Variants in SLC47A1 observed in about 807,000 individuals in gnomAD.
The protein encoded by SLC47A1 is solute carrier family 47 member 1.
A neutral mutation model predicts 65.8 loss-of-function variants in SLC47A1; 58 were observed. The ratio of observed to expected loss-of-function variants is 0.88; its 90% CI spans 0.71 to 1.10. The LOEUF (loss-of-function observed/expected upper bound fraction) is 1.10. Ranked by LOEUF, SLC47A1 falls within the 50% of genes least tolerant of loss-of-function variation. The pLI, the probability that SLC47A1 is intolerant of heterozygous loss-of-function variation, is 0.00. For missense variants in SLC47A1, 706 were observed against 719.2 expected, an observed-to-expected ratio of 0.98 and a Z score of 0.21; for synonymous variants, 285 against 295.0, an observed-to-expected ratio of 0.97 and a Z score of 0.35.
rs28404199 is a variant in SLC47A1, at chr17:19,542,851, G to A, written c.237+357G>A. ...CTGTTACCCAGGCTGGAGTGCAATGGTGCGATCTCGGCTCACTGCAACCTC... is the reference window on the plus strand; with the variant it reads ...CTGTTACCCAGGCTGGAGTGCAATGATGCGATCTCGGCTCACTGCAACCTC... On this transcript the variant is annotated intron_variant, in intron 2 of 16. Coordinates refer to ENST00000270570, the MANE Select transcript of SLC47A1 (RefSeq NM_018242.3). 4.8e-4 allele frequency among the ~76,000 whole-genome samples: 73 copies of A among 150,802 alleles called. 3 individuals are homozygous for A. The highest frequency in any genetic ancestry group is 1.5e-3 in the African/African-American group (63 of 41,026).
rs1228341626 is a variant in SLC47A1 at position 19,577,633 on chromosome 17, G to GT, written c.*81dup. ...ACAGGCCCACCAGTGACAATTTACTGTGAGTTAATGTCATTCAGGTGTGCC... is the reference window on the plus strand; with the variant it reads ...ACAGGCCCACCAGTGACAATTTACTGTTGAGTTAATGTCATTCAGGTGTGCC... On this transcript the variant is annotated 3_prime_UTR_variant, in exon 17 of 17. Coordinates refer to ENST00000270570, the MANE Select transcript of SLC47A1 (RefSeq NM_018242.3). 3 of 1,577,282 alleles carry GT rather than the reference G, an allele frequency of 1.9e-6. No homozygotes were observed. The highest frequency in any genetic ancestry group is 1.4e-5 in the African/African-American group (1 of 73,816).
At chr17:19,546,340 G>A (rs953918310) in intron 2 of SLC47A1, 95 bp from the exon 3 acceptor site, 6 of 1,238,314 alleles carry the variant, frequency 4.8e-6, no homozygotes, top group Non-Finnish European at 5.8e-6. Context: ...AATGCTGAAG[G>A]AGGAGCTTTG....
intron 7 of SLC47A1, 76 bp downstream of exon 7, chr17:19,555,385 C>T: frequency 1.3e-6 from 2 of 1,488,918 alleles, no homozygotes; most frequent in East Asian, 2.3e-5. Flanking sequence ...GAAGAGTGGG[C>T]TCTTCAGCTG....
chr17:19,555,570 C>A, intron 7 of SLC47A1, 23 bp from the exon 8 acceptor site: 1 of 1,611,008 alleles, frequency 6.2e-7, no homozygotes, highest in Admixed American at 1.7e-5. Flanking sequence ...GTACCTCCCT[C>A]TCATTGGGAC....
At chr17:19,572,978 G>T in intron 16 of SLC47A1, 117 bp downstream of exon 16, 2 of 826,962 alleles carry the variant, frequency 2.4e-6, no homozygotes, top group Non-Finnish European at 2.0e-6. Flanking sequence ...GGGCAATAAT[G>T]TTTCAGAAAC....
At chr17:19,560,721 A>G (rs1447611474) in intron 12 of SLC47A1, among the ~76,000 whole-genome samples, 1 of 151,756 alleles carries the variant, frequency 6.6e-6, no homozygotes, top group Admixed American at 6.6e-5. Context: ...TCTACTAAAA[A>G]TACAAAAATT....
At chr17:19,544,165 T>C (rs1193637282) in intron 2 of SLC47A1, among the ~76,000 whole-genome samples, 1 of 152,104 alleles carries the variant, frequency 6.6e-6, no homozygotes, top group East Asian at 1.9e-4. Context: ...AGGTGGGTCT[T>C]GAACTCCTGA....
chr17:19,571,653 G>T, intron 15 of SLC47A1, 81 bp downstream of exon 15: 2 of 1,074,740 alleles, frequency 1.9e-6, no homozygotes, highest in South Asian at 1.4e-5. Context: ...TTTTTCTTTT[G>T]GAAAGTTCTT....
At chr17:19,570,261 G>C (rs2084389407) in intron 14 of SLC47A1, among the ~76,000 whole-genome samples, 1 of 152,232 alleles carries the variant, frequency 6.6e-6, no homozygotes, top group African/African-American at 2.4e-5. Flanking sequence ...CTGGACAGCT[G>C]TGGAAATAAA....
intron 14 of SLC47A1, 106 bp downstream of exon 14, chr17:19,567,334 C>A: frequency 6.7e-7 from 1 of 1,495,070 alleles, no homozygotes; most frequent in Non-Finnish European, 9.2e-7. Context: ...AACTCGGGAG[C>A]TCGCCCACGT....
chr17:19,566,003 C>G (rs192805422), intron 12 of SLC47A1, among the ~76,000 whole-genome samples: 56 of 152,264 alleles, frequency 3.7e-4, no homozygotes, highest in African/African-American at 1.3e-3. Context: ...ATCCCTTTGT[C>G]CAACATCTCC....
chr17:19,543,463 T>C lies in SLC47A1; in HGVS notation c.237+969T>C, dbSNP rs529739593. On this transcript the variant is annotated intron_variant, in intron 2 of 16. Transcript: ENST00000270570. ...CTCGTTCCCACTCTTGGTCCCACAG[T>C]TGGGGGAGGGGAACAGTAAAAGGGG... Among the ~76,000 whole-genome samples, 6 of 152,210 alleles carry C rather than the reference T, an allele frequency of 3.9e-5. No homozygotes were observed. In the South Asian group the frequency reaches 1.2e-3, roughly 32 times the overall value.
intron 1 of SLC47A1, among the ~76,000 whole-genome samples, chr17:19,540,727 G>T (rs1019879841): frequency 6.6e-6 from 1 of 152,054 alleles, no homozygotes; most frequent in Non-Finnish European, 1.5e-5. Flanking sequence ...TTGCAAAAGC[G>T]CTCCTCACGT....
chr17:19,577,094 G>C (rs112947133), intron 16 of SLC47A1, among the ~76,000 whole-genome samples: 6 of 152,158 alleles, frequency 3.9e-5, no homozygotes, highest in African/African-American at 1.4e-4. Context: ...TCTAGCTCCT[G>C]GGAGAGTGCT....
In SLC47A1 at chr17:19,577,700, A is replaced by C; in HGVS notation, c.*147A>C. ...TGGAAATGCAAAGACACATTTTTCTATAAAAAGAAAAAGCAACTAAGGTTA... is the reference window on the plus strand; with the variant it reads ...TGGAAATGCAAAGACACATTTTTCTCTAAAAAGAAAAAGCAACTAAGGTTA... On this transcript the variant is annotated 3_prime_UTR_variant, in exon 17 of 17. Coordinates refer to ENST00000270570, the MANE Select transcript of SLC47A1 (RefSeq NM_018242.3). 1 of 1,446,878 alleles carries C rather than the reference A, an allele frequency of 6.9e-7. No homozygotes were observed. Among genetic ancestry groups the C allele is most frequent in the Non-Finnish European group, 9.0e-7 (1 of 1,107,468 alleles). 89.6% of individuals were successfully genotyped at this position (1,446,878 alleles called of 1,614,324 possible). A position where few individuals can be genotyped will look rare whatever the true frequency, so the allele number is the denominator to read the frequency against.
rs181308899 is a variant in SLC47A1, at chr17:19,555,083, A to T, written c.544-129A>T. ...GGAGCAACAAGGACATGACCTCCCC[A>T]GTTAAGCCCCCCAGCTATGCCTGTG... On this transcript the variant is annotated intron_variant, in intron 6 of 16. Coordinates refer to ENST00000270570, the MANE Select transcript of SLC47A1 (RefSeq NM_018242.3). 21 of 777,506 alleles carry T rather than the reference A, an allele frequency of 2.7e-5. No homozygotes were observed. The African/African-American group carries it at 3.5e-4, about 13-fold the overall frequency. The allele number at this position is 777,506 out of a possible 1,614,324, so 48.2% of individuals were successfully genotyped here. A position where few individuals can be genotyped will look rare whatever the true frequency, so the allele number is the denominator to read the frequency against.
Position 19,548,151 on chromosome 17 carries a change from G to A in SLC47A1, c.455+18G>A, listed in dbSNP as rs570988312. ...GTGTCCAGGTAAGATGGAACCTGTC[G>A]CAGCGGGACTTGGCGTCCATCCCAC... On this transcript the variant is annotated intron_variant, in intron 4 of 16. Transcript: ENST00000270570. 1.5e-5 allele frequency: 24 copies of A among 1,601,288 alleles called. No homozygotes were observed. The highest frequency in any genetic ancestry group is 1.5e-4 in the African/African-American group (11 of 74,830).
intron 10 of SLC47A1, among the ~76,000 whole-genome samples, chr17:19,556,834 G>A (rs950465189): frequency 6.6e-6 from 1 of 152,204 alleles, no homozygotes; most frequent in East Asian, 1.9e-4. Context: ...TGGGATTACA[G>A]GCGTGAGCCA....
chr17:19,557,843 G>C (rs931370393), intron 10 of SLC47A1: 1 of 298,272 alleles, frequency 3.4e-6, no homozygotes, highest in African/African-American at 2.2e-5. Flanking sequence ...TTTTGTTCTA[G>C]TAGCATCTAG....
Sources: gnomAD v4.1 joint callset for allele counts (sites outside exome capture counted in the v4.1 genomes callset) on GRCh38, gnomAD v4.1.1 for gene constraint, MANE v1.5 for transcripts, NCBI Gene and HGNC (gene_info 2026-07-23, HGNC 2026-07-21) for gene names.